Variants in NHSL1 observed in about 807,000 individuals in gnomAD.
NHSL1 encodes the protein NHS-like protein 1.
Under a neutral mutation model 95.0 loss-of-function variants are expected in NHSL1, and 48 were observed. That is an observed-to-expected ratio of 0.51 (90% CI 0.40 to 0.64). NHSL1 has a LOEUF of 0.64. NHSL1 is among the 30% of genes least tolerant of loss of function. The pLI, the probability that NHSL1 is intolerant of heterozygous loss-of-function variation, is 0.00. For synonymous variants in NHSL1, 783 were observed against 833.9 expected, an observed-to-expected ratio of 0.94 and a Z score of 1.05; for missense variants, 1,971 against 2,077.7, an observed-to-expected ratio of 0.95 and a Z score of 1.00.
At chr6:138,548,958 C>T (rs1214872185), upstream of NHSL1, among the ~76,000 whole-genome samples, 1 of 150,540 alleles carries the variant, frequency 6.6e-6, no homozygotes, top group African/African-American at 2.4e-5. Context: ...GTGTCCACCC[C>T]AAATTCATGT....
At chr6:138,515,932 G>A (rs1017192495) in intron 1 of NHSL1, among the ~76,000 whole-genome samples, 1 of 152,206 alleles carries the variant, frequency 6.6e-6, no homozygotes, top group African/African-American at 2.4e-5. Flanking sequence ...GAAGGCGCAC[G>A]CCGTCTCTCA....
At chr6:138,638,370 C>T (rs1458135134) in intron 1 of NHSL1, among the ~76,000 whole-genome samples, 1 of 152,002 alleles carries the variant, frequency 6.6e-6, no homozygotes, top group Non-Finnish European at 1.5e-5. Context: ...AGAATAAATG[C>T]TTGAGGAATG....
At chr6:138,568,599 G>A (rs758711562) in intron 1 of NHSL1, among the ~76,000 whole-genome samples, 2 of 152,122 alleles carry the variant, frequency 1.3e-5, no homozygotes, top group African/African-American at 2.4e-5. Context: ...GAGTATAAAC[G>A]GGGATGGGAT....
At chr6:138,541,887 A>G (rs1273744755) in intron 1 of NHSL1, among the ~76,000 whole-genome samples, 1 of 152,188 alleles carries the variant, frequency 6.6e-6, no homozygotes, top group African/African-American at 2.4e-5. Context: ...GCTATGTTGG[A>G]TATCATTCTT....
chr6:138,647,100 T>A (rs1490412325), intron 1 of NHSL1, among the ~76,000 whole-genome samples: 1 of 152,220 alleles, frequency 6.6e-6, no homozygotes, highest in Non-Finnish European at 1.5e-5. Flanking sequence ...CTCCTTTCTG[T>A]ACTAATCTCC....
chr6:138,651,118 A>G (rs917852049), intron 1 of NHSL1: 1 of 344,566 alleles, frequency 2.9e-6, no homozygotes, highest in South Asian at 2.3e-5. Context: ...AACCAACTTA[A>G]TGTAATATCT....
chr6:138,485,747 T>C (rs1779689387), intron 2 of NHSL1, among the ~76,000 whole-genome samples: 1 of 152,248 alleles, frequency 6.6e-6, no homozygotes, highest in Admixed American at 6.5e-5. Context: ...AATAGGGCAT[T>C]TAATCCGTGG....
chr6:138,570,147 GC>G (rs1783785668), intron 1 of NHSL1, among the ~76,000 whole-genome samples: 1 of 152,184 alleles, frequency 6.6e-6, no homozygotes, highest in Non-Finnish European at 1.5e-5. Context: ...TTCAGATGAA[GC>G]ATCTACAGTA....
intron 3 of NHSL1, among the ~76,000 whole-genome samples, chr6:138,460,743 A>G (rs1562293344): frequency 6.6e-6 from 1 of 151,914 alleles, no homozygotes; most frequent in East Asian, 1.9e-4. Context: ...TTCTCTGCTT[A>G]AAAAATGTGT....
At chr6:138,617,629 G>C (rs1784597838) in intron 1 of NHSL1, among the ~76,000 whole-genome samples, 1 of 152,224 alleles carries the variant, frequency 6.6e-6, no homozygotes, top group Non-Finnish European at 1.5e-5. Context: ...GGAACAAATA[G>C]ACAATGAGAA....
intron 1 of NHSL1, among the ~76,000 whole-genome samples, chr6:138,595,507 T>C (rs1784292079): frequency 6.6e-6 from 1 of 152,074 alleles, no homozygotes; most frequent in Non-Finnish European, 1.5e-5. Context: ...GCCCCGGGAG[T>C]TCTAGGCTGC....
intron 1 of NHSL1, among the ~76,000 whole-genome samples, chr6:138,555,116 A>G (rs188014266): frequency 6.6e-4 from 100 of 152,346 alleles, no homozygotes; most frequent in Non-Finnish European, 8.4e-4. Context: ...AGATCCACAG[A>G]GCACGGTGCG....
At chr6:138,459,154 A>T (rs1206303830) in intron 3 of NHSL1, among the ~76,000 whole-genome samples, 1 of 151,770 alleles carries the variant, frequency 6.6e-6, no homozygotes, top group Non-Finnish European at 1.5e-5. Flanking sequence ...TGCCCAGCTG[A>T]TTTTTGTATT....
chr6:138,456,801 G>T (rs543594233), intron 3 of NHSL1, among the ~76,000 whole-genome samples: 7 of 150,804 alleles, frequency 4.6e-5, no homozygotes, highest in African/African-American at 1.5e-4. Flanking sequence ...AGAGAAAAAA[G>T]TCAAAAACAG....
chr6:138,644,664 T>A (rs901835907), intron 1 of NHSL1, among the ~76,000 whole-genome samples: 3 of 152,176 alleles, frequency 2.0e-5, no homozygotes, highest in Admixed American at 6.5e-5. Context: ...GAAAATCTGG[T>A]TTTTACTTAA....
chr6:138,617,951 C>T (rs1009397980), intron 1 of NHSL1, among the ~76,000 whole-genome samples: 3 of 147,482 alleles, frequency 2.0e-5, no homozygotes, highest in African/African-American at 7.3e-5. Context: ...CACCACCAAA[C>T]ATTTCTCATG....
At chr6:138,573,637 A>G (rs562661874), upstream of NHSL1, among the ~76,000 whole-genome samples, 2 of 152,354 alleles carry the variant, frequency 1.3e-5, no homozygotes, top group East Asian at 3.9e-4. Context: ...CATGTAAATA[A>G]TGACAGAGAA....
At chr6:138,469,406 T>C (rs546994909) in intron 3 of NHSL1, among the ~76,000 whole-genome samples, 1 of 152,162 alleles carries the variant, frequency 6.6e-6, no homozygotes, top group Non-Finnish European at 1.5e-5. Flanking sequence ...ACAGCAGCAC[T>C]AAGACTTGTT....
intron 3 of NHSL1, among the ~76,000 whole-genome samples, chr6:138,454,190 C>CGCGCGTGTGT (rs144366744): frequency 0.11 from 16,760 of 151,196 alleles, 1,004 homozygotes; most frequent in Middle Eastern, 0.16. Context: ...TATATGTGTG[C>CGCGCGTGTGT]GTGTGTGTGT....
Sources: gnomAD v4.1 joint callset for allele counts (sites outside exome capture counted in the v4.1 genomes callset) on GRCh38, gnomAD v4.1.1 for gene constraint, MANE v1.5 for transcripts, NCBI Gene and HGNC (gene_info 2026-07-23, HGNC 2026-07-21) for gene names.